Variants in FAM169A observed in about 807,000 individuals in gnomAD.
The protein encoded by FAM169A is family with sequence similarity 169 member A.
FAM169A carries 24 observed loss-of-function variants against 75.7 expected under a neutral mutation model. The ratio of observed to expected loss-of-function variants is 0.32; its 90% CI spans 0.23 to 0.45. The LOEUF (loss-of-function observed/expected upper bound fraction) is 0.45. FAM169A is among the 20% of genes least tolerant of loss of function. The probability of loss-of-function intolerance (pLI) is 1.00; values close to 1 mark genes in which losing one functional copy is unlikely to be tolerated. For missense variants in FAM169A, 673 were observed against 784.0 expected, an observed-to-expected ratio of 0.86 and a Z score of 1.69; for synonymous variants, 271 against 271.0, an observed-to-expected ratio of 1.00 and a Z score of 0.00.
intron 6 of FAM169A, among the ~76,000 whole-genome samples, chr5:74,808,097 T>C (rs577561371): frequency 1.3e-5 from 2 of 152,312 alleles, no homozygotes; most frequent in African/African-American, 4.8e-5. Context: ...AATTACCGTA[T>C]GACCCACCAA....
chr5:74,784,166 C>T (rs1381714658), intron 11 of FAM169A, among the ~76,000 whole-genome samples: 4 of 151,842 alleles, frequency 2.6e-5, no homozygotes, highest in Admixed American at 1.3e-4. Context: ...GTCATGAGAT[C>T]GGATGTATTT....
chr5:74,788,705 C>CA (rs111938760), intron 11 of FAM169A, among the ~76,000 whole-genome samples: 1,120 of 106,756 alleles, frequency 0.01, 7 homozygotes, highest in African/African-American at 0.025. Context: ...AACTCCATCT[C>CA]AAAAAAAAAA....
chr5:74,829,232 T>C (rs1052408644), intron 5 of FAM169A, among the ~76,000 whole-genome samples: 7 of 152,204 alleles, frequency 4.6e-5, no homozygotes, highest in Non-Finnish European at 1.0e-4. Flanking sequence ...ACACATGAAG[T>C]ACTCAAACGG....
chr5:74,855,736 T>C (rs1749674461), intron 1 of FAM169A, among the ~76,000 whole-genome samples: 2 of 152,246 alleles, frequency 1.3e-5, no homozygotes, highest in African/African-American at 4.8e-5. Context: ...TTCTGTGGGT[T>C]GTCTCTTCAC....
intron 10 of FAM169A, chr5:74,799,148 A>G: frequency 9.7e-7 from 1 of 1,031,178 alleles, no homozygotes; most frequent in Non-Finnish European, 1.5e-6. Context: ...AAGGAGCACA[A>G]TGGACACATC....
chr5:74,796,061 T>C lies in FAM169A; in HGVS notation c.1229A>G (p.Gln410Arg), dbSNP rs200829237. ...ACCATCTTGCTTCTCTTGCTGTGGC[T>C]GGGTTTCCAGTGCTGGCCGTGCATC... ...DRDARPALET[Q>R]PQQEKQDGEK... The change falls in exon 11 of 13, where the codon CAG (glutamine) becomes CGG (arginine). Residue 410 changes from glutamine to arginine, a missense_variant. Physicochemically the swap from Gln to Arg is conservative, Grantham distance 43. This residue lies in a region of FAM169A where 510 missense variants were observed against 550.9 expected (regional missense o/e 0.93). Coordinates refer to ENST00000687041, the MANE Select transcript of FAM169A (RefSeq NM_001376049.1). 3 of 1,614,112 alleles carry C rather than the reference T, an allele frequency of 1.9e-6. No individual in the cohort carries two copies. The highest frequency in any genetic ancestry group is 2.2e-5 in the East Asian group (1 of 44,884).
chr5:74,812,531 C>G (rs1440798025), intron 6 of FAM169A, among the ~76,000 whole-genome samples: 1 of 152,042 alleles, frequency 6.6e-6, no homozygotes, highest in Non-Finnish European at 1.5e-5. Context: ...CCTCCCACCT[C>G]AGCCTTTGGA....
At chr5:74,818,527 T>A (rs1268361430) in intron 5 of FAM169A, among the ~76,000 whole-genome samples, 1 of 152,080 alleles carries the variant, frequency 6.6e-6, no homozygotes, top group Non-Finnish European at 1.5e-5. Flanking sequence ...CTATGAATTA[T>A]AACCGGATGA....
At chr5:74,848,845 A>G (rs1384627462) in intron 1 of FAM169A, 1 of 152,142 alleles carries the variant, frequency 6.6e-6, no homozygotes, top group Non-Finnish European at 1.5e-5. Context: ...AGAGAGAAAT[A>G]TAGGTTGCTA....
At chr5:74,812,550 G>A (rs1417927826) in intron 6 of FAM169A, among the ~76,000 whole-genome samples, 1 of 151,758 alleles carries the variant, frequency 6.6e-6, no homozygotes, top group Non-Finnish European at 1.5e-5. Flanking sequence ...GAGTAACTGA[G>A]ATAACAGGCA....
intron 11 of FAM169A, among the ~76,000 whole-genome samples, chr5:74,789,085 A>G (rs2084115): frequency 0.33 from 49,475 of 152,110 alleles, 9,881 homozygotes; most frequent in African/African-American, 0.56. Flanking sequence ...CACCTTTACT[A>G]TCCTACCTCA....
intron 1 of FAM169A, among the ~76,000 whole-genome samples, chr5:74,858,088 C>CA (rs918954047): frequency 6.4e-4 from 92 of 143,624 alleles, no homozygotes; most frequent in Middle Eastern, 3.6e-3. Context: ...ATACTACAGT[C>CA]AAAAAAAAAA....
chr5:74,794,778 C>G (rs1305700357), intron 11 of FAM169A, among the ~76,000 whole-genome samples: 1 of 65,764 alleles, frequency 1.5e-5, no homozygotes, highest in Admixed American at 1.7e-4. Flanking sequence ...AACTCCGTCT[C>G]AAAAAAAAAA....
intron 5 of FAM169A, among the ~76,000 whole-genome samples, chr5:74,823,755 G>A (rs763978940): frequency 6.6e-6 from 1 of 152,108 alleles, no homozygotes; most frequent in Non-Finnish European, 1.5e-5. Context: ...AGTAGTACGG[G>A]ACTCTCACAT....
At chr5:74,833,642 A>G (rs1748428771) in intron 5 of FAM169A, among the ~76,000 whole-genome samples, 1 of 152,198 alleles carries the variant, frequency 6.6e-6, no homozygotes, top group African/African-American at 2.4e-5. Context: ...AGAAGAACTA[A>G]GTTTGGAAAA....
intron 1 of FAM169A, among the ~76,000 whole-genome samples, chr5:74,846,463 C>A (rs1749161069): frequency 6.6e-6 from 1 of 152,152 alleles, no homozygotes; most frequent in Non-Finnish European, 1.5e-5. Context: ...CAAGTGATTT[C>A]TTTTTCACTT....
At chr5:74,841,778 T>C (rs1748879784) in intron 1 of FAM169A, 99 bp from the exon 2 acceptor site, 9 of 1,088,032 alleles carry the variant, frequency 8.3e-6, no homozygotes, top group Non-Finnish European at 1.0e-5. Context: ...CATATTTTGT[T>C]ATAACAAGAT....
rs894437248 is a variant in FAM169A at position 74,779,180 on chromosome 5, C to T, written c.*2280G>A. ...CAAGTTTAACAAGAATAAGTTTATA[C>T]TGTTAGCCCCCAATGGTCATATATG... is the stretch of plus-strand genomic sequence containing the variant. On this transcript the variant is annotated 3_prime_UTR_variant, in exon 13 of 13. Transcript: ENST00000687041. The T allele has an allele frequency of 6.6e-6, 1 of 152,092 alleles. No individual in the cohort carries two copies. The highest frequency in any genetic ancestry group is 2.4e-5 in the African/African-American group (1 of 41,428). The allele number at this position is 152,092 out of a possible 1,614,324, so 9.4% of individuals were successfully genotyped here.
rs377550660 is a variant in FAM169A at position 74,782,932 on chromosome 5, T to C, written c.1463A>G (p.Lys488Arg). 7 of 1,609,282 alleles carry C rather than the reference T, an allele frequency of 4.3e-6. No individual in the cohort carries two copies. The African/African-American group carries it at 6.7e-5, about 15-fold the overall frequency. ...AAAAATAGCTCATTGCCCCCTTACC[T>C]TATCTGGTGCATCTACCTCAGGGGG... ...SKPPEVDAPD[K>R]TPRIPDSEML... Residue 488 changes from lysine to arginine, a missense_variant and splice_region_variant, in exon 12 of 13, where the codon AAG becomes AGG. This residue lies in a region of FAM169A where 510 missense variants were observed against 550.9 expected (regional missense o/e 0.93). Coordinates refer to ENST00000687041, the MANE Select transcript of FAM169A (RefSeq NM_001376049.1).
Sources: gnomAD v4.1 joint callset for allele counts (sites outside exome capture counted in the v4.1 genomes callset) on GRCh38, gnomAD v4.1.1 for gene constraint, gnomAD v4.1.1 regional missense constraint, MANE v1.5 for transcripts, NCBI Gene and HGNC (gene_info 2026-07-23, HGNC 2026-07-21) for gene names.